Variants in MYT1L observed in about 807,000 individuals in gnomAD.
MYT1L encodes myelin transcription factor 1-like protein.
MYT1L carries 12 observed loss-of-function variants against 126.7 expected under a neutral mutation model. The observed-to-expected ratio is 0.09, with a 90% confidence interval of 0.06 to 0.15. The LOEUF is 0.15. MYT1L is among the 10% of genes least tolerant of loss of function. The pLI, the probability that MYT1L is intolerant of heterozygous loss-of-function variation, is 1.00. For synonymous variants in MYT1L, 541 were observed against 604.2 expected (o/e 0.90, Z 1.53); for missense variants, 979 against 1,585.2 (o/e 0.62, Z 6.49).
intron 3 of MYT1L, among the ~76,000 whole-genome samples, chr2:2,058,689 TG>T (rs542761595): frequency 4.9e-4 from 75 of 152,362 alleles, no homozygotes; most frequent in Non-Finnish European, 1.0e-3. Context: ...TTTCTAACAC[TG>T]GGGAATGATA....
chr2:1,875,680 G>A (rs1009377238), intron 18 of MYT1L, among the ~76,000 whole-genome samples: 2 of 152,180 alleles, frequency 1.3e-5, no homozygotes, highest in African/African-American at 4.8e-5. Flanking sequence ...TCCGGGGATC[G>A]ATGAGCGGAA....
At chr2:1,931,352 G>A (rs958620464) in intron 9 of MYT1L, among the ~76,000 whole-genome samples, 4 of 151,670 alleles carry the variant, frequency 2.6e-5, no homozygotes, top group Admixed American at 2.0e-4. Flanking sequence ...TGTCTGCTGC[G>A]CCTTGCAAGT....
chr2:2,261,935 AACTTTAAT>A (rs2094978526), intron 2 of MYT1L, among the ~76,000 whole-genome samples: 1 of 152,228 alleles, frequency 6.6e-6, no homozygotes. Flanking sequence ...AATGAGATAA[AACTTTAAT>A]ACTTAATGTT....
At chr2:2,314,783 C>T (rs1358616670) in intron 1 of MYT1L, among the ~76,000 whole-genome samples, 2 of 152,004 alleles carry the variant, frequency 1.3e-5, no homozygotes, top group Non-Finnish European at 2.9e-5. Flanking sequence ...ACTATACTAC[C>T]AGGCTACAGT....
intron 5 of MYT1L, among the ~76,000 whole-genome samples, chr2:1,993,683 C>A (rs912461672): frequency 6.6e-6 from 1 of 152,134 alleles, no homozygotes; most frequent in Non-Finnish European, 1.5e-5. Flanking sequence ...CATGTATTTC[C>A]AGAATAGAGT....
At chr2:1,952,349 A>G (rs1386015018) in intron 8 of MYT1L, among the ~76,000 whole-genome samples, 1 of 152,132 alleles carries the variant, frequency 6.6e-6, no homozygotes, top group African/African-American at 2.4e-5. Flanking sequence ...AATCTCTTTC[A>G]ATTCCAGAAC....
At chr2:2,102,346 T>C (rs1226541639) in intron 3 of MYT1L, among the ~76,000 whole-genome samples, 1 of 152,206 alleles carries the variant, frequency 6.6e-6, no homozygotes, top group Non-Finnish European at 1.5e-5. Flanking sequence ...ATAGGTAAAT[T>C]TTCTTTTCAA....
chr2:2,226,786 G>A (rs1433846217), intron 2 of MYT1L, among the ~76,000 whole-genome samples: 2 of 152,118 alleles, frequency 1.3e-5, no homozygotes, highest in African/African-American at 2.4e-5. Flanking sequence ...GCCTGTAATT[G>A]GGTCTCATTT....
At chr2:1,946,639 T>G (rs1463535065) in intron 8 of MYT1L, among the ~76,000 whole-genome samples, 2 of 152,050 alleles carry the variant, frequency 1.3e-5, no homozygotes, top group African/African-American at 4.8e-5. Context: ...AAAAACATAA[T>G]AAGCAAAACA....
At position 2,112,918 on chromosome 2, in the gene MYT1L, G is replaced by C. The variant is rs183939830; in HGVS notation, c.-303-58795C>G. 4.6e-5 allele frequency among the ~76,000 whole-genome samples: 7 copies of C among 152,320 alleles called. No individual in the cohort carries two copies. In the East Asian group the frequency reaches 1.4e-3, roughly 29 times the overall value. On this transcript the variant is annotated intron_variant, in intron 3 of 24. Coordinates refer to ENST00000647738, the MANE Select transcript of MYT1L (RefSeq NM_001303052.2). ...ATCATCTGCAAATGCCTGTAATGCTGATCTCCTCTGCAGAGCTGGCTTCAT... is the reference window on the plus strand; with the variant it reads ...ATCATCTGCAAATGCCTGTAATGCTCATCTCCTCTGCAGAGCTGGCTTCAT...
intron 14 of MYT1L, among the ~76,000 whole-genome samples, chr2:1,897,812 T>C (rs1016809465): frequency 1.3e-5 from 2 of 152,176 alleles, no homozygotes; most frequent in Non-Finnish European, 2.9e-5. Flanking sequence ...CAGACAAGAA[T>C]GTGTTAATGT....
intron 2 of MYT1L, among the ~76,000 whole-genome samples, chr2:2,229,680 C>T (rs1459054865): frequency 6.6e-6 from 1 of 152,002 alleles, no homozygotes; most frequent in African/African-American, 2.4e-5. Flanking sequence ...CGTGCACCCA[C>T]TATAGGCAAG....
At chr2:2,009,392 T>G (rs919765761) in intron 4 of MYT1L, among the ~76,000 whole-genome samples, 1 of 152,224 alleles carries the variant, frequency 6.6e-6, no homozygotes, top group South Asian at 2.1e-4. Flanking sequence ...CTTAATGTTT[T>G]ATAGTTTTTG....
chr2:2,102,285 CTG>C (rs1467996317), intron 3 of MYT1L, among the ~76,000 whole-genome samples: 2 of 152,148 alleles, frequency 1.3e-5, no homozygotes, highest in Non-Finnish European at 2.9e-5. Flanking sequence ...TCCCTCCAAA[CTG>C]TTATGAGAAT....
At chr2:2,252,842 TG>T (rs1294876577) in intron 2 of MYT1L, among the ~76,000 whole-genome samples, 1 of 152,220 alleles carries the variant, frequency 6.6e-6, no homozygotes, top group African/African-American at 2.4e-5. Context: ...TTCCCCCTTA[TG>T]TGAATTTTTC....
At chr2:1,952,831 CCT>C (rs1216757531) in intron 8 of MYT1L, among the ~76,000 whole-genome samples, 6 of 82,568 alleles carry the variant, frequency 7.3e-5, no homozygotes, top group Admixed American at 1.2e-4. Flanking sequence ...CTCCCTCCCT[CCT>C]TCCCTTACCT....
intron 13 of MYT1L, among the ~76,000 whole-genome samples, chr2:1,907,052 C>T (rs2148990318): frequency 6.6e-6 from 1 of 151,128 alleles, no homozygotes; most frequent in African/African-American, 2.4e-5. Context: ...ATCAAGGCTA[C>T]AGTGAGCCAT....
At chr2:2,190,012 G>C (rs183954982) in intron 2 of MYT1L, among the ~76,000 whole-genome samples, 1 of 152,294 alleles carries the variant, frequency 6.6e-6, no homozygotes, top group Admixed American at 6.5e-5. Flanking sequence ...CTGCACAGCT[G>C]GTTTTTCTGA....
intron 2 of MYT1L, among the ~76,000 whole-genome samples, chr2:2,240,570 T>C (rs2094418915): frequency 6.6e-6 from 1 of 152,220 alleles, no homozygotes; most frequent in Non-Finnish European, 1.5e-5. Context: ...AATTAAAATA[T>C]ACGTTCTAAT....
Sources: gnomAD v4.1 joint callset for allele counts (sites outside exome capture counted in the v4.1 genomes callset) on GRCh38, gnomAD v4.1.1 for gene constraint, MANE v1.5 for transcripts, NCBI Gene and HGNC (gene_info 2026-07-23, HGNC 2026-07-21) for gene names.